The following ARL15 variants were observed in gnomAD, a reference collection of about 807,000 sequenced individuals.
ARL15 encodes ADP-ribosylation factor-like protein 15.
In ARL15, 19 loss-of-function variants were observed where a neutral mutation model predicts 25.2. The observed-to-expected ratio is 0.75, with a 90% confidence interval of 0.53 to 1.10. The LOEUF (loss-of-function observed/expected upper bound fraction) is 1.10, where lower values mean the gene tolerates loss of function less well. ARL15 is among the 50% of genes least tolerant of loss of function. The pLI, the probability that ARL15 is intolerant of heterozygous loss-of-function variation, is 0.00. For synonymous variants in ARL15, 94 were observed against 86.8 expected, an observed-to-expected ratio of 1.08 and a Z score of -0.46; for missense variants, 220 against 246.0, an observed-to-expected ratio of 0.89 and a Z score of 0.71.
intron 1 of ARL15, among the ~76,000 whole-genome samples, chr5:54,192,645 A>G (rs1046895323): frequency 1.1e-4 from 12 of 111,854 alleles, no homozygotes; most frequent in Non-Finnish European, 6.7e-5. Flanking sequence ...GGTCATGCTA[A>G]TGACAAAGAG....
intron 4 of ARL15, among the ~76,000 whole-genome samples, chr5:53,899,348 A>C (rs1283716424): frequency 9.6e-5 from 1 of 10,442 alleles, no homozygotes; most frequent in Non-Finnish European, 3.7e-4. Context: ...ACTCTATCCC[A>C]AAAAAAAAAA....
intron 4 of ARL15, among the ~76,000 whole-genome samples, chr5:53,998,548 G>A (rs1748759316): frequency 1.3e-5 from 2 of 152,208 alleles, no homozygotes; most frequent in Non-Finnish European, 1.5e-5. Context: ...TGCACAGAAA[G>A]GGACTTCTGT....
chr5:54,041,340 T>C (rs1750338100), intron 4 of ARL15, among the ~76,000 whole-genome samples: 1 of 152,186 alleles, frequency 6.6e-6, no homozygotes, highest in South Asian at 2.1e-4. Context: ...TTATTGACAA[T>C]GGTTCTTTTG....
intron 4 of ARL15, among the ~76,000 whole-genome samples, chr5:53,973,410 C>T (rs1747815631): frequency 6.6e-6 from 1 of 151,738 alleles, no homozygotes; most frequent in South Asian, 2.1e-4. Context: ...CCCATCTCTA[C>T]TAAATATACA....
intron 3 of ARL15, among the ~76,000 whole-genome samples, chr5:54,129,052 A>T (rs111959226): frequency 3.9e-5 from 6 of 152,278 alleles, no homozygotes; most frequent in African/African-American, 1.4e-4. Context: ...ATTTCTTTTC[A>T]GTGAGTTATA....
intron 4 of ARL15, among the ~76,000 whole-genome samples, chr5:53,898,745 A>G (rs1307657839): frequency 6.6e-6 from 1 of 151,704 alleles, no homozygotes; most frequent in Non-Finnish European, 1.5e-5. Flanking sequence ...TTCCAGGCTC[A>G]GGTAGCCTGG....
At chr5:54,224,197 A>T (rs914850947) in intron 1 of ARL15, among the ~76,000 whole-genome samples, 1 of 152,080 alleles carries the variant, frequency 6.6e-6, no homozygotes, top group African/African-American at 2.4e-5. Flanking sequence ...TGTGGGCTGA[A>T]CTCCAAAGGC....
intron 3 of ARL15, among the ~76,000 whole-genome samples, chr5:54,146,967 A>C (rs1753931054): frequency 6.6e-6 from 1 of 152,144 alleles, no homozygotes; most frequent in Non-Finnish European, 1.5e-5. Context: ...AGATTCATTT[A>C]TTTGGCTCTG....
chr5:54,283,752 T>C (rs745390761), intron 1 of ARL15, among the ~76,000 whole-genome samples: 2 of 152,224 alleles, frequency 1.3e-5, no homozygotes, highest in Non-Finnish European at 2.9e-5. Context: ...CTTCCCCAAC[T>C]GAAAGATAAC....
intron 4 of ARL15, among the ~76,000 whole-genome samples, chr5:54,054,562 G>A (rs955021604): frequency 7.2e-5 from 11 of 152,136 alleles, no homozygotes; most frequent in East Asian, 3.9e-4. Flanking sequence ...AGGCCGAGGC[G>A]GGCGGACCAC....
intron 1 of ARL15, among the ~76,000 whole-genome samples, chr5:54,286,970 T>C (rs57068879): frequency 6.6e-6 from 1 of 151,298 alleles, no homozygotes; most frequent in African/African-American, 2.4e-5. Flanking sequence ...CTGTCCAGGA[T>C]TGCCTCAAGC....
intron 4 of ARL15, among the ~76,000 whole-genome samples, chr5:53,963,414 A>G (rs1387264569): frequency 1.3e-5 from 2 of 152,226 alleles, no homozygotes; most frequent in African/African-American, 2.4e-5. Flanking sequence ...TTCTGACATG[A>G]AAGGCAAGTT....
At chr5:54,258,270 C>T (rs1757416357) in intron 1 of ARL15, among the ~76,000 whole-genome samples, 1 of 151,938 alleles carries the variant, frequency 6.6e-6, no homozygotes, top group South Asian at 2.1e-4. Flanking sequence ...ACTTGGGAGG[C>T]TGAGCTGTGA....
intron 1 of ARL15, among the ~76,000 whole-genome samples, chr5:54,295,667 CAAAG>C (rs1408123024): frequency 6.6e-6 from 1 of 152,068 alleles, no homozygotes; most frequent in East Asian, 1.9e-4. Flanking sequence ...CAAAATGAAA[CAAAG>C]AGAGAAATCC....
intron 1 of ARL15, among the ~76,000 whole-genome samples, chr5:54,223,137 A>T (rs1756424203): frequency 6.6e-6 from 1 of 151,954 alleles, no homozygotes; most frequent in Admixed American, 6.6e-5. Flanking sequence ...TCATGTTATT[A>T]AAAGGCAGTG....
At chr5:54,165,588 T>C (rs1754537306) in intron 2 of ARL15, among the ~76,000 whole-genome samples, 2 of 151,774 alleles carry the variant, frequency 1.3e-5, no homozygotes, top group Admixed American at 1.3e-4. Flanking sequence ...TTTTTATTCT[T>C]ACTCATGTAA....
intron 1 of ARL15, among the ~76,000 whole-genome samples, chr5:54,224,705 G>A (rs1399722184): frequency 6.6e-6 from 1 of 152,118 alleles, no homozygotes; most frequent in Non-Finnish European, 1.5e-5. Flanking sequence ...AGGGAAGGGA[G>A]AGAATATTCA....
intron 4 of ARL15, among the ~76,000 whole-genome samples, chr5:54,072,418 ATGG>A (rs1268565177): frequency 1.3e-5 from 2 of 152,174 alleles, no homozygotes; most frequent in African/African-American, 4.8e-5. Flanking sequence ...TCTAGACTTG[ATGG>A]TGGCTCAGTG....
intron 4 of ARL15, among the ~76,000 whole-genome samples, chr5:53,909,875 A>G (rs1745397406): frequency 6.6e-6 from 1 of 152,214 alleles, no homozygotes. Context: ...AATGTGAAGC[A>G]CACAATAGCT....
Sources: gnomAD v4.1 joint callset for allele counts (sites outside exome capture counted in the v4.1 genomes callset) on GRCh38, gnomAD v4.1.1 for gene constraint, MANE v1.5 for transcripts, NCBI Gene and HGNC (gene_info 2026-07-23, HGNC 2026-07-21) for gene names.